The following CENPE variants were observed in gnomAD, a reference collection of about 807,000 sequenced individuals.
CENPE encodes centromere protein E, also known as centromere-associated protein E.
A neutral mutation model predicts 336.1 loss-of-function variants in CENPE; 145 were observed. The ratio of observed to expected loss-of-function variants is 0.43; its 90% CI spans 0.38 to 0.50. The LOEUF (loss-of-function observed/expected upper bound fraction) is 0.50, where lower values mean the gene tolerates loss of function less well. CENPE is among the 20% of genes least tolerant of loss of function. The probability of loss-of-function intolerance (pLI) is 0.00; values close to 1 mark genes in which losing one functional copy is unlikely to be tolerated. For synonymous variants in CENPE, 1,013 were observed against 984.8 expected (o/e 1.03, Z -0.54); for missense variants, 2,719 against 3,023.3 (o/e 0.90, Z 2.36).
At chr4:103,143,480 G>A (rs1303516028) in intron 33 of CENPE, 74 bp from the exon 34 acceptor site, 5 of 1,026,846 alleles carry the variant, frequency 4.9e-6, no homozygotes, top group Non-Finnish European at 7.3e-6. Flanking sequence ...GTATAGGGCA[G>A]GAGGTAAAAA....
At chr4:103,157,146 A>G (rs944731633) in intron 24 of CENPE, among the ~76,000 whole-genome samples, 1 of 151,946 alleles carries the variant, frequency 6.6e-6, no homozygotes, top group Admixed American at 6.6e-5. Context: ...GGTGGGAAGT[A>G]AAATGGTGCA....
At chr4:103,183,000 T>A (rs938681098) in intron 10 of CENPE, 109 bp from the exon 11 acceptor site, 2 of 1,188,828 alleles carry the variant, frequency 1.7e-6, no homozygotes, top group Non-Finnish European at 2.3e-6. Flanking sequence ...CAAAAATTAG[T>A]TTACAAGTTA....
At chr4:103,186,798 G>A (rs115495561) in intron 8 of CENPE, among the ~76,000 whole-genome samples, 1,657 of 152,270 alleles carry the variant, frequency 0.011, 23 homozygotes, top group African/African-American at 0.034. Context: ...GGATAGCAGT[G>A]GAAGGCTTGT....
chr4:103,182,090 T>G (rs183789864), intron 11 of CENPE: 1 of 152,420 alleles, frequency 6.6e-6, no homozygotes, highest in Non-Finnish European at 1.5e-5. Context: ...TCCTTTTTTT[T>G]TTTTTTGTTT....
chr4:103,161,191 A>G lies in CENPE; in HGVS notation c.2026T>C (p.Leu676=), dbSNP rs1754409775. Residue 676 remains leucine, a synonymous_variant, in exon 20 of 49, where the codon TTG becomes CTG. Transcript: ENST00000265148. Reference sequence around the variant, plus strand: ...ACTTGCATTTTCTTTTTTGCCTCCAACTGGCTTTGATATAACTGAATATCA... The same window carrying G: ...ACTTGCATTTTCTTTTTTGCCTCCAGCTGGCTTTGATATAACTGAATATCA... ...ENDIQLYQSQ[L]EAKKKMQVDL... is the part of the protein sequence containing the mutation. The G allele has an allele frequency of 1.2e-6, 2 of 1,612,146 alleles. No individual in the cohort carries two copies. The highest frequency in any genetic ancestry group is 2.2e-5 in the South Asian group (2 of 90,782).
chr4:103,132,718 T>A lies in CENPE; in HGVS notation c.6899A>T (p.Asn2300Ile). The change falls in exon 42 of 49, where the codon AAT becomes ATT. Residue 2300 changes from asparagine (N) to isoleucine (I), a missense_variant. Coordinates refer to ENST00000265148, the MANE Select transcript of CENPE (RefSeq NM_001813.3). ...QKENDRICQV[N>I]NFFNNRIIAI... Reference sequence around the variant, plus strand: ...AATTATTCTGTTATTAAAGAAGTTATTCACTTGACAAATCCTATCATTTTC... The same window carrying A: ...AATTATTCTGTTATTAAAGAAGTTAATCACTTGACAAATCCTATCATTTTC... The A allele has an allele frequency of 6.5e-7, 1 of 1,549,120 alleles. No homozygotes were observed. The highest frequency in any genetic ancestry group is 1.2e-5 in the South Asian group (1 of 86,532).
At chr4:103,135,895 G>C (rs1752025986) in intron 40 of CENPE, among the ~76,000 whole-genome samples, 2 of 152,130 alleles carry the variant, frequency 1.3e-5, no homozygotes, top group South Asian at 4.1e-4. Flanking sequence ...TCTCACCCCA[G>C]ACTATGAGAT....
chr4:103,142,303 G>A (rs1249282954), intron 34 of CENPE, among the ~76,000 whole-genome samples: 1 of 152,146 alleles, frequency 6.6e-6, no homozygotes, highest in Non-Finnish European at 1.5e-5. Context: ...GCTAAAGTCC[G>A]TAAGGAAAAT....
In CENPE at chr4:103,196,060, T is replaced by C. The variant is rs183788269; in HGVS notation, c.239-22A>G. The C allele has an allele frequency of 9.7e-4, 1,541 of 1,595,764 alleles. 6 individuals are homozygous for C. In the Middle Eastern group the frequency reaches 0.014, roughly 14 times the overall value. On this transcript the variant is annotated intron_variant, in intron 3 of 48. Transcript: ENST00000265148. ...GTACCTGCAAAAAACAAAACACACA[T>C]ACGCAAAGATTAAAAACAAACCTAT... is the stretch of plus-strand genomic sequence containing the variant.
chr4:103,146,620 TA>T (rs2125930941), intron 29 of CENPE, among the ~76,000 whole-genome samples: 1 of 152,104 alleles, frequency 6.6e-6, no homozygotes, highest in African/African-American at 2.4e-5. Context: ...GAACAAAGAA[TA>T]GGAAGAAGAA....
In CENPE at chr4:103,106,195, A is replaced by C; in HGVS notation, c.*27T>G. 1 of 1,430,770 alleles carries C rather than the reference A, an allele frequency of 7.0e-7. No individual in the cohort carries two copies. The allele number at this position is 1,430,770 out of a possible 1,614,324, so 88.6% of individuals were successfully genotyped here. A position where few individuals can be genotyped will look rare whatever the true frequency, so the allele number is the denominator to read the frequency against. On this transcript the variant is annotated 3_prime_UTR_variant, in exon 49 of 49. Coordinates refer to ENST00000265148, the MANE Select transcript of CENPE (RefSeq NM_001813.3). ...GTCATTTCCAAATAAGGAATGCTGG[A>C]TCTCCAGAGAAGTGACAAAGAGGAG...
chr4:103,188,679 A>G (rs1169806494), intron 8 of CENPE, among the ~76,000 whole-genome samples: 4 of 152,220 alleles, frequency 2.6e-5, no homozygotes, highest in East Asian at 1.9e-4. Context: ...AAACGCCCAC[A>G]AGAGAAAGCA....
Position 103,110,862 on chromosome 4 carries a change from C to A in CENPE, c.7690G>T (p.Glu2564Ter). 1.2e-6 allele frequency: 2 copies of A among 1,604,874 alleles called. No homozygotes were observed. The highest frequency in any genetic ancestry group is 2.2e-5 in the South Asian group (2 of 89,168). ...KEISKLKQQN[E>*]QLIKQKNELL... ...TCATTCTTTTGTTTTATTAGCTGTT[C>A]ATTTTGCTGCTTTAACTTAGAAATT... The change falls in exon 47 of 49, where the codon GAA becomes TAA. Residue 2564 changes from glutamate (E) to a stop codon, truncating the protein, a stop_gained. Transcript: ENST00000265148. LOFTEE classifies it high-confidence loss of function.
intron 38 of CENPE, among the ~76,000 whole-genome samples, chr4:103,138,985 C>T (rs919572903): frequency 6.6e-6 from 1 of 152,150 alleles, no homozygotes; most frequent in Non-Finnish European, 1.5e-5. Flanking sequence ...ACTTTATTGG[C>T]GCCAACCAAA....
chr4:103,107,123 C>T (rs1286117122), intron 48 of CENPE, among the ~76,000 whole-genome samples: 1 of 152,178 alleles, frequency 6.6e-6, no homozygotes, highest in Non-Finnish European at 1.5e-5. Flanking sequence ...CTAGCATGCA[C>T]CTGTAGTCCT....
At chr4:103,184,545 C>T (rs1056027386) in intron 9 of CENPE, among the ~76,000 whole-genome samples, 12 of 151,788 alleles carry the variant, frequency 7.9e-5, no homozygotes, top group South Asian at 4.1e-4. Flanking sequence ...TATATGGATC[C>T]GACTTAATTT....
In CENPE at chr4:103,160,715, T is replaced by C. The variant is rs1754372271; in HGVS notation, c.2196A>G (p.Glu732=). The C allele has an allele frequency of 2.5e-6, 4 of 1,610,178 alleles. No individual in the cohort carries two copies. The highest frequency in any genetic ancestry group is 3.4e-6 in the Non-Finnish European group (4 of 1,177,726). ...CCCGCAAAGCTTCATTTTCTTCAACTTCTTTATTTAGTTCTTTCTGAAGAT... is the reference window on the plus strand; with the variant it reads ...CCCGCAAAGCTTCATTTTCTTCAACCTCTTTATTTAGTTCTTTCTGAAGAT... ...ITDLQKELNK[E]VEENEALREE... Residue 732 remains glutamate, a synonymous_variant, in exon 21 of 49, where the codon GAA becomes GAG. Transcript: ENST00000265148.
chr4:103,150,641 C>T (rs978609598), intron 26 of CENPE, among the ~76,000 whole-genome samples: 2 of 151,866 alleles, frequency 1.3e-5, no homozygotes, highest in East Asian at 1.9e-4. Context: ...ATAACAGAAC[C>T]GTACTATATT....
chr4:103,144,166 G>A (rs1752807252), intron 33 of CENPE, among the ~76,000 whole-genome samples, 165 bp downstream of exon 33: 1 of 152,118 alleles, frequency 6.6e-6, no homozygotes, highest in Non-Finnish European at 1.5e-5. Flanking sequence ...TTGATCTCCT[G>A]ACCTCGTGAT....
Sources: gnomAD v4.1 joint callset for allele counts (sites outside exome capture counted in the v4.1 genomes callset) on GRCh38, gnomAD v4.1.1 for gene constraint, MANE v1.5 for transcripts, NCBI Gene and HGNC (gene_info 2026-07-23, HGNC 2026-07-21) for gene names.